Variants in XKR4 observed in about 807,000 individuals in gnomAD.
XKR4 encodes XK related 4.
Under a neutral mutation model 53.9 loss-of-function variants are expected in XKR4, and 12 were observed. That is an observed-to-expected ratio of 0.22 (90% CI 0.14 to 0.36). The LOEUF is 0.36. Among genes scored for constraint, XKR4 ranks in the 10% least tolerant of loss-of-function variants. The pLI, the probability that XKR4 is intolerant of heterozygous loss-of-function variation, is 1.00. For missense variants in XKR4, 799 were observed against 859.5 expected (o/e 0.93, Z 0.88); for synonymous variants, 354 against 362.4 (o/e 0.98, Z 0.26).
intron 2 of XKR4, among the ~76,000 whole-genome samples, chr8:55,367,681 A>G (rs561983921): frequency 6.6e-6 from 1 of 152,202 alleles, no homozygotes; most frequent in Non-Finnish European, 1.5e-5. Context: ...TAGTATCTCA[A>G]CGTGACTTTA....
At chr8:55,418,210 C>T (rs1804877259) in intron 2 of XKR4, among the ~76,000 whole-genome samples, 1 of 152,130 alleles carries the variant, frequency 6.6e-6, no homozygotes, top group South Asian at 2.1e-4. Flanking sequence ...ACAGGCTGTA[C>T]TCATGGAGGG....
chr8:55,108,909 C>T (rs1460643803), intron 1 of XKR4, among the ~76,000 whole-genome samples: 1 of 152,004 alleles, frequency 6.6e-6, no homozygotes, highest in African/African-American at 2.4e-5. Context: ...TAAGCTAGAA[C>T]TCAATACTGA....
chr8:55,157,061 G>A (rs1174997808), intron 1 of XKR4, among the ~76,000 whole-genome samples: 1 of 152,206 alleles, frequency 6.6e-6, no homozygotes, highest in African/African-American at 2.4e-5. Context: ...TGTCTGCTGT[G>A]AAAGCTTCTA....
At chr8:55,118,015 A>G (rs746558885) in intron 1 of XKR4, among the ~76,000 whole-genome samples, 10 of 152,172 alleles carry the variant, frequency 6.6e-5, no homozygotes, top group African/African-American at 1.2e-4. Flanking sequence ...CTGCAGTTCT[A>G]TGAAAACTGG....
At chr8:55,270,477 G>T (rs1818673149) in intron 1 of XKR4, among the ~76,000 whole-genome samples, 1 of 152,176 alleles carries the variant, frequency 6.6e-6, no homozygotes, top group South Asian at 2.1e-4. Flanking sequence ...GCTCTGGAGT[G>T]TTGATCACCT....
intron 2 of XKR4, among the ~76,000 whole-genome samples, chr8:55,377,027 G>A (rs1279068225): frequency 6.6e-6 from 1 of 151,714 alleles, no homozygotes; most frequent in Non-Finnish European, 1.5e-5. Flanking sequence ...AACAGGCACA[G>A]ACTTTCTCAA....
At chr8:55,210,293 A>G (rs1201314801) in intron 1 of XKR4, among the ~76,000 whole-genome samples, 2 of 152,098 alleles carry the variant, frequency 1.3e-5, no homozygotes, top group African/African-American at 2.4e-5. Context: ...CATGTTGCCC[A>G]GGCTGGTCTC....
At position 55,450,240 on chromosome 8, in the gene XKR4, C is replaced by T. The variant is rs376153877; in HGVS notation, c.1007-73041C>T. The T allele has an allele frequency of 7.4e-4, 485 of 652,418 alleles. 7 individuals carry two copies. The South Asian group carries it at 8.0e-3, about 11-fold the overall frequency. The allele number at this position is 652,418 out of a possible 1,614,324, so 40.4% of individuals were successfully genotyped here. On this transcript the variant is annotated intron_variant, in intron 2 of 2. Coordinates refer to ENST00000327381, the MANE Select transcript of XKR4 (RefSeq NM_052898.2). ...TGCTCTGGGGAGCGCCTCCGTCAAA[C>T]CGTTCTTCCTCAGGGGCTCAGGGGG... is the stretch of plus-strand genomic sequence containing the variant.
At chr8:55,210,606 G>T (rs1817718622) in intron 1 of XKR4, among the ~76,000 whole-genome samples, 1 of 152,214 alleles carries the variant, frequency 6.6e-6, no homozygotes, top group African/African-American at 2.4e-5. Flanking sequence ...GTATTGTTGA[G>T]GGATTTGAAG....
At chr8:55,392,938 T>C (rs1330518550) in intron 2 of XKR4, among the ~76,000 whole-genome samples, 2 of 152,158 alleles carry the variant, frequency 1.3e-5, no homozygotes, top group Non-Finnish European at 2.9e-5. Context: ...AGCATTTATC[T>C]TGCCTTTCCT....
At chr8:55,396,830 T>C (rs1292086212) in intron 2 of XKR4, among the ~76,000 whole-genome samples, 2 of 152,240 alleles carry the variant, frequency 1.3e-5, no homozygotes, top group Non-Finnish European at 2.9e-5. Context: ...AGACTTTACA[T>C]GTATTTACCT....
intron 2 of XKR4, among the ~76,000 whole-genome samples, chr8:55,502,459 T>C (rs1002513453): frequency 3.3e-5 from 5 of 152,212 alleles, no homozygotes; most frequent in African/African-American, 1.2e-4. Flanking sequence ...GTGGTTTTAA[T>C]TGGTATTTCT....
intron 1 of XKR4, among the ~76,000 whole-genome samples, chr8:55,115,731 G>A (rs1257841550): frequency 3.9e-5 from 6 of 151,928 alleles, no homozygotes; most frequent in African/African-American, 1.2e-4. Context: ...GCAGTGAGCC[G>A]AGATCATGCC....
chr8:55,234,041 C>G (rs1248147371), intron 1 of XKR4, among the ~76,000 whole-genome samples: 2 of 152,084 alleles, frequency 1.3e-5, no homozygotes, highest in Non-Finnish European at 2.9e-5. Flanking sequence ...CCCTGAAGTC[C>G]GAATTAATAG....
intron 1 of XKR4, among the ~76,000 whole-genome samples, chr8:55,192,646 A>G (rs927182820): frequency 1.1e-4 from 17 of 152,144 alleles, no homozygotes; most frequent in Non-Finnish European, 1.8e-4. Flanking sequence ...CCAACACAGC[A>G]GCTGGGACTG....
chr8:55,315,829 A>G (rs954606000), intron 1 of XKR4, among the ~76,000 whole-genome samples: 5 of 152,098 alleles, frequency 3.3e-5, no homozygotes, highest in African/African-American at 1.2e-4. Flanking sequence ...CACTTTCCAT[A>G]TTTTCCATGC....
intron 1 of XKR4, among the ~76,000 whole-genome samples, chr8:55,332,954 A>G (rs1803402488): frequency 6.6e-6 from 1 of 151,474 alleles, no homozygotes; most frequent in Admixed American, 6.6e-5. Flanking sequence ...GACAATTTCA[A>G]ATGACCTGAA....
chr8:55,200,883 A>G (rs1817570243), intron 1 of XKR4, among the ~76,000 whole-genome samples: 1 of 152,264 alleles, frequency 6.6e-6, no homozygotes, highest in Admixed American at 6.5e-5. Flanking sequence ...ATGTTTGTAG[A>G]CAGTTGCTAT....
At chr8:55,129,071 A>G (rs557370843) in intron 1 of XKR4, among the ~76,000 whole-genome samples, 30 of 152,386 alleles carry the variant, frequency 2.0e-4, no homozygotes, top group African/African-American at 7.2e-4. Context: ...CTTTTGACTC[A>G]GAATAAGGTA....
Sources: gnomAD v4.1 joint callset for allele counts (sites outside exome capture counted in the v4.1 genomes callset) on GRCh38, gnomAD v4.1.1 for gene constraint, MANE v1.5 for transcripts, NCBI Gene and HGNC (gene_info 2026-07-23, HGNC 2026-07-21) for gene names.